Variants in PDE4D observed in about 807,000 individuals in gnomAD.
PDE4D encodes the protein phosphodiesterase 4D, also known as 3',5'-cyclic-AMP phosphodiesterase 4D.
A neutral mutation model predicts 87.4 loss-of-function variants in PDE4D; 24 were observed. The observed-to-expected ratio is 0.27, with a 90% CI of 0.20 to 0.39. The LOEUF (loss-of-function observed/expected upper bound fraction) is 0.39. PDE4D is among the 10% of genes least tolerant of loss of function. The probability of loss-of-function intolerance (pLI) is 1.00; values close to 1 mark genes in which losing one functional copy is unlikely to be tolerated. For missense variants in PDE4D, 714 were observed against 1,041.0 expected (o/e 0.69, Z 4.32); for synonymous variants, 384 against 383.2 (o/e 1.00, Z -0.02).
rs189754600 is a variant in PDE4D at position 59,718,688 on chromosome 5, T to A, written c.455+174480A>T. On this transcript the variant is annotated intron_variant, in intron 1 of 14. Transcript: ENST00000340635. ...GAGGCTGTTAGAAAGATCTCGAGAT[T>A]GTGCTCAACTAAAAAAAATTCATTT... is the stretch of plus-strand genomic sequence containing the variant. Among the ~76,000 whole-genome samples the A allele has an allele frequency of 3.3e-5, 5 of 152,262 alleles. No individual in the cohort carries two copies. The East Asian group carries it at 9.6e-4, about 29-fold the overall frequency.
intron 1 of PDE4D, among the ~76,000 whole-genome samples, chr5:60,451,185 C>T (rs765592856): frequency 9.9e-5 from 15 of 151,946 alleles, no homozygotes; most frequent in Non-Finnish European, 1.9e-4. Context: ...TGCTCAAATG[C>T]GATGAAAATT....
At chr5:59,041,713 T>G (rs959959223) in intron 5 of PDE4D, among the ~76,000 whole-genome samples, 1 of 152,326 alleles carries the variant, frequency 6.6e-6, no homozygotes, top group East Asian at 1.9e-4. Flanking sequence ...TCAAGTGATT[T>G]CCCAGTAGCT....
intron 1 of PDE4D, among the ~76,000 whole-genome samples, chr5:59,627,396 C>A (rs1192264213): frequency 6.6e-6 from 1 of 152,130 alleles, no homozygotes; most frequent in South Asian, 2.1e-4. Flanking sequence ...TTTTATCTTA[C>A]TATTCTTTTT....
chr5:60,132,262 A>G (rs1435573245), intron 2 of PDE4D, among the ~76,000 whole-genome samples: 1 of 152,202 alleles, frequency 6.6e-6, no homozygotes, highest in East Asian at 1.9e-4. Context: ...ATTTTAGAAA[A>G]GCATGCTTCC....
At chr5:59,081,518 T>TAAAAAAAAAAAA (rs35050580) in intron 5 of PDE4D, among the ~76,000 whole-genome samples, 9 of 135,402 alleles carry the variant, frequency 6.6e-5, no homozygotes, top group East Asian at 2.2e-4. Context: ...AGTAATCAGG[T>TAAAAAAAAAAAA]AAAAAAAAAA....
intron 1 of PDE4D, among the ~76,000 whole-genome samples, chr5:60,246,075 T>C (rs1355308696): frequency 6.6e-6 from 1 of 151,772 alleles, no homozygotes; most frequent in Admixed American, 6.6e-5. Flanking sequence ...ACATCTACTA[T>C]GTAGCCAAAA....
At position 59,606,940 on chromosome 5, in the gene PDE4D, G is replaced by T. The variant is rs1017199313; in HGVS notation, c.455+286228C>A. The stretch of plus-strand genomic sequence containing the variant: ...TTTTCTATTTCTTTCTTACAGAAGG[G>T]GGGGAAGGGGACATGTTTTATAATT... On this transcript the variant is annotated intron_variant, in intron 1 of 14. Transcript: ENST00000340635. Among the ~76,000 whole-genome samples the T allele has an allele frequency of 1.2e-4, 19 of 152,028 alleles. No homozygotes were observed. The South Asian group carries it at 2.1e-3, about 17-fold the overall frequency.
chr5:59,342,797 T>C (rs555857910), intron 1 of PDE4D, among the ~76,000 whole-genome samples: 4 of 152,218 alleles, frequency 2.6e-5, no homozygotes, highest in African/African-American at 9.6e-5. Flanking sequence ...TTTCAAAAAA[T>C]TCATTTAAAA....
intron 1 of PDE4D, among the ~76,000 whole-genome samples, chr5:59,302,540 C>T (rs1038362103): frequency 2.0e-5 from 3 of 147,634 alleles, no homozygotes; most frequent in Non-Finnish European, 4.5e-5. Context: ...TCCCACTCTT[C>T]CCCCCAAGTC....
chr5:60,118,561 T>TTGTGTG (rs34503506), intron 2 of PDE4D, among the ~76,000 whole-genome samples: 70,366 of 144,002 alleles, frequency 0.49, 18,025 homozygotes, highest in Non-Finnish European at 0.57. Context: ...TGGATGTAGG[T>TTGTGTG]TGTGTGTGTG....
chr5:59,519,403 C>T (rs561724189), intron 1 of PDE4D, among the ~76,000 whole-genome samples: 8 of 152,116 alleles, frequency 5.3e-5, no homozygotes, highest in East Asian at 1.9e-4. Flanking sequence ...AACATATGAG[C>T]GATGATCTGA....
chr5:59,712,425 T>C lies in PDE4D; in HGVS notation c.455+180743A>G, dbSNP rs1754339378. ...ATATATATATATATATATATATATA[T>C]ATATTTAAGTTGTTTTATTCTAAGT... On this transcript the variant is annotated intron_variant, in intron 1 of 14. Transcript: ENST00000340635. Among the ~76,000 whole-genome samples, 4 of 130,752 alleles carry C rather than the reference T, an allele frequency of 3.1e-5. No individual in the cohort carries two copies. In the Admixed American group the frequency reaches 3.4e-4, roughly 11 times the overall value. 85.8% of individuals were successfully genotyped at this position (130,752 alleles called of 152,430 possible).
intron 1 of PDE4D, among the ~76,000 whole-genome samples, chr5:59,426,053 A>G (rs1174965658): frequency 1.3e-5 from 2 of 152,154 alleles, no homozygotes; most frequent in African/African-American, 4.8e-5. Context: ...AAAGCAGGAA[A>G]TTTTGACACA....
intron 1 of PDE4D, among the ~76,000 whole-genome samples, chr5:59,329,133 C>G (rs1316651748): frequency 6.6e-6 from 1 of 152,168 alleles, no homozygotes; most frequent in Non-Finnish European, 1.5e-5. Context: ...GGGACTTCCT[C>G]CAGGATTTTC....
intron 1 of PDE4D, among the ~76,000 whole-genome samples, chr5:60,191,413 C>T (rs183783765): frequency 7.2e-5 from 11 of 152,200 alleles, no homozygotes; most frequent in Admixed American, 2.0e-4. Context: ...TGGGTGAGTT[C>T]TCATGAGATC....
chr5:59,979,951 A>G (rs1761743804), intron 3 of PDE4D, among the ~76,000 whole-genome samples: 1 of 152,054 alleles, frequency 6.6e-6, no homozygotes, highest in East Asian at 1.9e-4. Flanking sequence ...ATTTGTAGAG[A>G]AAAAAAGTTT....
At chr5:60,107,004 A>C (rs1464938910) in intron 2 of PDE4D, among the ~76,000 whole-genome samples, 1 of 152,124 alleles carries the variant, frequency 6.6e-6, no homozygotes, top group African/African-American at 2.4e-5. Context: ...GAAATAACTA[A>C]AATCAGAGGA....
intron 1 of PDE4D, among the ~76,000 whole-genome samples, chr5:60,468,481 T>G (rs1747564402): frequency 6.6e-6 from 1 of 151,908 alleles, no homozygotes. Context: ...TCAAATATAC[T>G]TCTAACTTTC....
intron 1 of PDE4D, among the ~76,000 whole-genome samples, chr5:60,226,621 G>C (rs1745135885): frequency 6.6e-6 from 1 of 152,016 alleles, no homozygotes; most frequent in Non-Finnish European, 1.5e-5. Context: ...CTGCAAGGAA[G>C]GTCAACTGTA....
Sources: gnomAD v4.1 joint callset for allele counts (sites outside exome capture counted in the v4.1 genomes callset) on GRCh38, gnomAD v4.1.1 for gene constraint, MANE v1.5 for transcripts, NCBI Gene and HGNC (gene_info 2026-07-23, HGNC 2026-07-21) for gene names.